ZFR2: variants seen among roughly 807,000 people sequenced by gnomAD.
ZFR2 encodes the protein zinc finger RNA binding protein 2, also known as zinc finger RNA-binding protein 2.
A neutral mutation model predicts 105.7 loss-of-function variants in ZFR2; 104 were observed. That is an observed-to-expected ratio of 0.98 (90% confidence interval 0.84 to 1.16). The LOEUF (loss-of-function observed/expected upper bound fraction) is 1.16, where lower values mean the gene tolerates loss of function less well. Ranked by LOEUF, ZFR2 falls within the 50% of genes most tolerant of loss-of-function variation. ZFR2 has a pLI of 0.00. For missense variants in ZFR2, 1,425 were observed against 1,355.5 expected, an observed-to-expected ratio of 1.05 and a Z score of -0.80; for synonymous variants, 634 against 597.7, an observed-to-expected ratio of 1.06 and a Z score of -0.89.
chr19:3,838,140 CAATG>C lies in ZFR2; in HGVS notation c.54-3161_54-3158del, dbSNP rs1304013470. 4.0e-5 allele frequency among the ~76,000 whole-genome samples: 6 copies of C among 151,394 alleles called. No individual in the cohort carries two copies. Among genetic ancestry groups the C allele is most frequent in the Non-Finnish European group, 7.4e-5 (5 of 67,846 alleles). On this transcript the variant is annotated intron_variant, in intron 1 of 18. Coordinates refer to ENST00000262961, the MANE Select transcript of ZFR2 (RefSeq NM_015174.2). This position sits in a 1 kb window ranked among gnomAD's most constrained non-coding sequence, Gnocchi z 4.9. ...CGATGAACACCGTGACTGTGACACA[CAATG>C]AACACCGTGACTGTGACACTCGATG...
chr19:3,821,994 G>A (rs1030805242), intron 9 of ZFR2, 87 bp downstream of exon 9: 69 of 1,479,758 alleles, frequency 4.7e-5, no homozygotes, highest in Admixed American at 9.5e-5. Flanking sequence ...TCACACGCGC[G>A]GAAGAGGCCC....
At chr19:3,816,891 G>A (rs779453750) in intron 12 of ZFR2, 46 bp from the exon 13 acceptor site, 27 of 1,503,496 alleles carry the variant, frequency 1.8e-5, no homozygotes, top group South Asian at 1.3e-4. Context: ...GGAGAGACGC[G>A]GGGTACCCCA....
In ZFR2 at chr19:3,808,893, C is replaced by T; in HGVS notation, c.2524G>A (p.Ala842Thr). Residue 842 changes from alanine to threonine, a missense_variant, in exon 17 of 19, where the codon GCC becomes ACC. By Grantham distance (58) the Ala-to-Thr change is moderately conservative. Coordinates refer to ENST00000262961, the MANE Select transcript of ZFR2 (RefSeq NM_015174.2). ...TGACCTGTCAGGAGCGTCCCTGTGG[C>T]CACGCACTCCAGGACTCGCCTGACT... ...DAVRRVLECV[A>T]TGTLLTDGPG... 2 of 1,557,240 alleles carry T rather than the reference C, an allele frequency of 1.3e-6. No homozygotes were observed. The highest frequency in any genetic ancestry group is 2.4e-5 in the South Asian group (2 of 84,670).
chr19:3,823,194 T>C lies in ZFR2; in HGVS notation c.1371+52A>G, dbSNP rs34503630. The C allele has an allele frequency of 0.29, 463,974 of 1,610,710 alleles. 70,638 individuals carry two copies. The highest frequency in any genetic ancestry group is 0.37 in the Admixed American group (22,222 of 59,926). On this transcript the variant is annotated intron_variant, in intron 8 of 18. Coordinates refer to ENST00000262961, the MANE Select transcript of ZFR2 (RefSeq NM_015174.2). The surrounding 1 kb of genome is among the most constrained non-coding windows in gnomAD (Gnocchi z 5.4). Reference sequence around the variant, plus strand: ...GGGTGAGGTCTCGAAGCCTGATCCATGGGAAGGTCCTTCCCTGACCGGGGC... The same window carrying C: ...GGGTGAGGTCTCGAAGCCTGATCCACGGGAAGGTCCTTCCCTGACCGGGGC...
At chr19:3,857,492 G>A (rs560315159) in intron 1 of ZFR2, among the ~76,000 whole-genome samples, 1 of 149,724 alleles carries the variant, frequency 6.7e-6, no homozygotes, top group Non-Finnish European at 1.5e-5. Flanking sequence ...ATCACTTGAG[G>A]CCAGCAGTTC....
chr19:3,844,022 G>GA (rs927720580), intron 1 of ZFR2, among the ~76,000 whole-genome samples: 1 of 148,026 alleles, frequency 6.8e-6, no homozygotes, highest in Non-Finnish European at 1.5e-5. Flanking sequence ...GTGGGGGGGG[G>GA]GGTGCCAGGG....
rs189769729 is a variant in ZFR2, at chr19:3,819,137, G to A, written c.1839C>T (p.Ala613=). The change falls in exon 12 of 19, where the codon GCC becomes GCT. Residue 613 remains alanine, a synonymous_variant. Transcript: ENST00000262961. ...TGAGGGCCCGCTCTGCGTGGGACAC[G>A]GCCCTCTGCACGGCCAGGAGCTCCT... ...TEQELLAVQR[A]VSHAERALKL... 240 of 1,610,148 alleles carry A rather than the reference G, an allele frequency of 1.5e-4. 2 individuals carry two copies. In the South Asian group the frequency reaches 1.5e-3, roughly 10 times the overall value.
chr19:3,821,126 C>G (rs2037887291), intron 10 of ZFR2, among the ~76,000 whole-genome samples: 1 of 152,116 alleles, frequency 6.6e-6, no homozygotes, highest in South Asian at 2.1e-4. Flanking sequence ...GCCCACGTGT[C>G]AGGTCCGCAC....
intron 13 of ZFR2, among the ~76,000 whole-genome samples, chr19:3,815,250 C>T (rs1270203445): frequency 2.0e-5 from 3 of 151,980 alleles, no homozygotes; most frequent in Non-Finnish European, 4.4e-5. Flanking sequence ...CCACCATGCC[C>T]GGCTAATTTT....
intron 1 of ZFR2, among the ~76,000 whole-genome samples, chr19:3,845,635 A>G (rs1368384398): frequency 6.6e-6 from 1 of 151,770 alleles, no homozygotes; most frequent in African/African-American, 2.4e-5. Context: ...TTACAAAAAA[A>G]AAAAAAAAAA....
chr19:3,828,145 A>T (rs1005122370), intron 5 of ZFR2, among the ~76,000 whole-genome samples: 7 of 118,066 alleles, frequency 5.9e-5, no homozygotes, highest in Admixed American at 9.3e-5. Flanking sequence ...GACGTCTCAA[A>T]TTTTTTTTTT....
At chr19:3,862,170 A>G (rs1234044832) in intron 1 of ZFR2, among the ~76,000 whole-genome samples, 2 of 152,222 alleles carry the variant, frequency 1.3e-5, no homozygotes, top group South Asian at 2.1e-4. Context: ...CTAAATACAC[A>G]CGTTGGTAGA....
chr19:3,852,372 C>A, intron 1 of ZFR2: 1 of 663,952 alleles, frequency 1.5e-6, no homozygotes, highest in Non-Finnish European at 2.8e-6. Flanking sequence ...CTTCTCTGCC[C>A]CTGGAGGGCA....
intron 5 of ZFR2, among the ~76,000 whole-genome samples, chr19:3,830,143 A>AT (rs35809998): frequency 0.39 from 58,224 of 149,604 alleles, 11,209 homozygotes; most frequent in Admixed American, 0.45. Flanking sequence ...CTACAAAAAA[A>AT]TTTTTTTTTA....
chr19:3,837,709 G>A (rs954983721), intron 1 of ZFR2, among the ~76,000 whole-genome samples: 6 of 151,040 alleles, frequency 4.0e-5, no homozygotes, highest in South Asian at 2.1e-4. Context: ...AATGAACACC[G>A]TGACCATGAC....
intron 12 of ZFR2, among the ~76,000 whole-genome samples, chr19:3,818,764 G>A (rs184894486): frequency 2.6e-5 from 4 of 152,354 alleles, no homozygotes; most frequent in African/African-American, 9.6e-5. Context: ...GAGACTGTCA[G>A]TCCCTTGTGA....
At chr19:3,868,847 A>C (rs868327114) in intron 1 of ZFR2, 118 bp downstream of exon 1, 1 of 869,424 alleles carries the variant, frequency 1.2e-6, no homozygotes, top group African/African-American at 1.8e-5. Context: ...CCGGGGTTCC[A>C]GGTTGGGGCT....
chr19:3,807,552 C>T lies in ZFR2; in HGVS notation c.2546-283G>A, dbSNP rs542040958. ...GTGCACCCATGCATATACACATACGCTGACGTGTGTGTCCATGCGTGCCCA... is the reference window on the plus strand; with the variant it reads ...GTGCACCCATGCATATACACATACGTTGACGTGTGTGTCCATGCGTGCCCA... On this transcript the variant is annotated intron_variant, in intron 17 of 18. Transcript: ENST00000262961. Among the ~76,000 whole-genome samples, 431 of 125,626 alleles carry T rather than the reference C, an allele frequency of 3.4e-3. 1 individual carries two copies. The highest frequency in any genetic ancestry group is 0.013 in the African/African-American group (403 of 29,912). The allele number at this position is 125,626 out of a possible 152,430, so 82.4% of individuals were successfully genotyped here.
chr19:3,846,695 G>T (rs946861403), intron 1 of ZFR2, among the ~76,000 whole-genome samples: 9 of 152,124 alleles, frequency 5.9e-5, no homozygotes, highest in Non-Finnish European at 1.0e-4. Flanking sequence ...GCTTCTAAAA[G>T]AAGAATAATT....
Sources: allele counts gnomAD v4.1 joint callset (sites outside exome capture counted in the v4.1 genomes callset), GRCh38; gene constraint gnomAD v4.1.1; non-coding constraint Gnocchi (gnomAD v3.1); transcripts MANE v1.5; gene names NCBI Gene and HGNC (gene_info 2026-07-23, HGNC 2026-07-21).